The following TOGARAM2 variants were observed in gnomAD, a reference collection of about 807,000 sequenced individuals.
TOGARAM2 encodes TOG array regulator of axonemal microtubules protein 2.
TOGARAM2 carries 85 observed loss-of-function variants against 93.3 expected under a neutral mutation model. The ratio of observed to expected loss-of-function variants is 0.91; its 90% confidence interval spans 0.76 to 1.09. The LOEUF (loss-of-function observed/expected upper bound fraction) is 1.09, where lower values mean the gene tolerates loss of function less well. Ranked by LOEUF, TOGARAM2 falls within the 50% of genes least tolerant of loss-of-function variation. The pLI is 0.00. For missense variants in TOGARAM2, 1,277 were observed against 1,334.5 expected (o/e 0.96, Z 0.67); for synonymous variants, 593 against 552.8 (o/e 1.07, Z -1.02).
chr2:29,051,905 A>G lies in TOGARAM2; in HGVS notation c.2872A>G (p.Arg958Gly), dbSNP rs1276970164. 6.3e-7 allele frequency: 1 copy of G among 1,587,614 alleles called. No individual in the cohort carries two copies. The highest frequency in any genetic ancestry group is 2.3e-5 in the East Asian group (1 of 43,336). Residue 958 changes from arginine (R) to glycine (G), a missense_variant, in exon 20 of 20, where the codon AGG (arginine) becomes GGG (glycine). By Grantham distance (125) the Arg-to-Gly change is moderately radical. Transcript: ENST00000379558. ...CCGCGGGGTGGTGTGCCGGCTGTCCAGGAGCCTCCAGGAGCACATGGGCTC... is the reference window on the plus strand; with the variant it reads ...CCGCGGGGTGGTGTGCCGGCTGTCCGGGAGCCTCCAGGAGCACATGGGCTC... ...NIRGVVCRLS[R>G]SLQEHMGSRL...
At chr2:29,024,641 A>T (rs1486735641) in intron 13 of TOGARAM2, among the ~76,000 whole-genome samples, 1 of 152,142 alleles carries the variant, frequency 6.6e-6, no homozygotes, top group Non-Finnish European at 1.5e-5. Context: ...TGTGCCGGGC[A>T]TCCGGCTTCT....
At chr2:29,036,512 T>A in intron 17 of TOGARAM2, 29 bp from the exon 18 acceptor site, 1 of 1,612,260 alleles carries the variant, frequency 6.2e-7, no homozygotes, top group Non-Finnish European at 8.5e-7. Context: ...TGGGTTCCCA[T>A]GGGCTCTTGG....
Position 28,986,615 on chromosome 2 carries a change from C to T in TOGARAM2, c.-111+5077C>T, listed in dbSNP as rs541644360. Among the ~76,000 whole-genome samples the T allele has an allele frequency of 7.9e-5, 12 of 152,346 alleles. No individual in the cohort carries two copies. In the East Asian group the frequency reaches 2.3e-3, roughly 29 times the overall value. ...CCCGCCCCAGCCTGCCCACTGCTTC[C>T]TGCTCACCCTGGACAGCTCAGGAAA... is the stretch of plus-strand genomic sequence containing the variant. On this transcript the variant is annotated intron_variant, in intron 1 of 19. Transcript: ENST00000379558.
At chr2:28,990,991 G>GGTGTGTGTGTGT (rs70958233) in intron 1 of TOGARAM2, among the ~76,000 whole-genome samples, 25 of 119,858 alleles carry the variant, frequency 2.1e-4, no homozygotes, top group East Asian at 5.9e-4. Flanking sequence ...GTGTGTGAAG[G>GGTGTGTGTGTGT]GTGTGTGTGT....
intron 14 of TOGARAM2, among the ~76,000 whole-genome samples, chr2:29,027,299 A>C (rs550055973): frequency 4.3e-4 from 65 of 152,300 alleles, no homozygotes; most frequent in African/African-American, 1.6e-3. Context: ...CTCTGTAAGA[A>C]CATTCAGGCC....
Position 29,052,141 on chromosome 2 carries a change from G to A in TOGARAM2, c.*48G>A. Reference sequence around the variant, plus strand: ...TATTATTTATCTTATTTTTTTGATGGACTATTCTCCTGGTTACTTTCCCCC... The same window carrying A: ...TATTATTTATCTTATTTTTTTGATGAACTATTCTCCTGGTTACTTTCCCCC... On this transcript the variant is annotated 3_prime_UTR_variant, in exon 20 of 20. Coordinates refer to ENST00000379558, the MANE Select transcript of TOGARAM2 (RefSeq NM_199280.4). 7.0e-7 allele frequency: 1 copy of A among 1,425,724 alleles called. No individual in the cohort carries two copies. The highest frequency in any genetic ancestry group is 9.3e-7 in the Non-Finnish European group (1 of 1,069,652). The allele number at this position is 1,425,724 out of a possible 1,614,324, so 88.3% of individuals were successfully genotyped here.
At chr2:28,996,531 T>C (rs1672996121) in intron 2 of TOGARAM2, among the ~76,000 whole-genome samples, 1 of 152,050 alleles carries the variant, frequency 6.6e-6, no homozygotes, top group Admixed American at 6.6e-5. Flanking sequence ...CTTAAGATAA[T>C]GACTGCCAGG....
chr2:29,016,627 T>C (rs1482144404), intron 8 of TOGARAM2, among the ~76,000 whole-genome samples: 1 of 152,250 alleles, frequency 6.6e-6, no homozygotes, highest in East Asian at 1.9e-4. Context: ...AACGGCTTCC[T>C]GTGTCCTTCA....
intron 1 of TOGARAM2, among the ~76,000 whole-genome samples, chr2:28,986,854 C>T (rs966695756): frequency 5.3e-5 from 8 of 152,244 alleles, no homozygotes; most frequent in African/African-American, 1.9e-4. Flanking sequence ...AAATGTTTCT[C>T]ATATTTTGTG....
rs528459984 is a variant in TOGARAM2, at chr2:28,968,760, G to T, written c.-147+12063G>T. Among the ~76,000 whole-genome samples, 3 of 140,024 alleles carry T rather than the reference G, an allele frequency of 2.1e-5. No individual in the cohort carries two copies. In the South Asian group the frequency reaches 6.7e-4, roughly 31 times the overall value. The allele number at this position is 140,024 out of a possible 152,430, so 91.9% of individuals were successfully genotyped here. A position where few individuals can be genotyped will look rare whatever the true frequency, so the allele number is the denominator to read the frequency against. On this transcript the variant is annotated intron_variant, in intron 1 of 6. Transcript: ENST00000401723. ...CTGAGCCCAGCAGGTGGAGATTACAGTGATTGGAGATTGCATCACTGCACT... is the reference window on the plus strand; with the variant it reads ...CTGAGCCCAGCAGGTGGAGATTACATTGATTGGAGATTGCATCACTGCACT...
intron 1 of TOGARAM2, among the ~76,000 whole-genome samples, chr2:28,973,386 TCTTTCC>T (rs1459630775): frequency 3.7e-4 from 18 of 48,816 alleles, no homozygotes; most frequent in East Asian, 9.4e-3. Context: ...CTTCCTTCCT[TCTTTCC>T]TCCCTTCCTT....
intron 18 of TOGARAM2, among the ~76,000 whole-genome samples, chr2:29,044,252 C>T (rs1322580058): frequency 3.9e-5 from 6 of 152,096 alleles, no homozygotes; most frequent in Admixed American, 2.0e-4. Context: ...CCAAACCTCC[C>T]GAAAGGCATA....
intron 4 of TOGARAM2, among the ~76,000 whole-genome samples, chr2:29,000,157 T>C (rs1025940850): frequency 2.0e-5 from 3 of 152,222 alleles, no homozygotes; most frequent in Non-Finnish European, 2.9e-5. Context: ...AAAACCTGAA[T>C]CTTGCATGTA....
Position 29,022,273 on chromosome 2 carries a change from G to T in TOGARAM2, c.1476G>T (p.Leu492=). Residue 492 remains leucine, a synonymous_variant, in exon 11 of 20, where the codon CTG becomes CTT. Coordinates refer to ENST00000379558, the MANE Select transcript of TOGARAM2 (RefSeq NM_199280.4). ...CTTTCTCGAACCCGGAGCTGGGGCTGAGGGATGCACTCCAGTGCCTCAACA... is the reference window on the plus strand; with the variant it reads ...CTTTCTCGAACCCGGAGCTGGGGCTTAGGGATGCACTCCAGTGCCTCAACA... ...LRPFSNPELG[L]RDALQCLNSS... is the part of the protein sequence containing the mutation. 2.5e-6 allele frequency: 4 copies of T among 1,614,052 alleles called. No individual in the cohort carries two copies. Among genetic ancestry groups the T allele is most frequent in the Non-Finnish European group, 3.4e-6 (4 of 1,179,896 alleles).
intron 1 of TOGARAM2, among the ~76,000 whole-genome samples, chr2:28,970,272 T>C (rs1418604489): frequency 1.3e-5 from 2 of 152,190 alleles, no homozygotes; most frequent in Non-Finnish European, 2.9e-5. Flanking sequence ...GTCTTGAGAA[T>C]AGAGTAGAGC....
chr2:28,960,415 C>G (rs1042501927), intron 1 of TOGARAM2, among the ~76,000 whole-genome samples: 1 of 152,116 alleles, frequency 6.6e-6, no homozygotes, highest in African/African-American at 2.4e-5. Context: ...CTTGCTCACT[C>G]TGTCACCCAG....
intron 2 of TOGARAM2, among the ~76,000 whole-genome samples, chr2:28,995,169 T>A (rs1672930650): frequency 6.6e-6 from 1 of 152,106 alleles, no homozygotes; most frequent in Admixed American, 6.5e-5. Context: ...TGGTCAAGGT[T>A]ATGTGGATGG....
At chr2:29,010,460 C>T (rs1430782702) in intron 6 of TOGARAM2, among the ~76,000 whole-genome samples, 1 of 152,258 alleles carries the variant, frequency 6.6e-6, no homozygotes, top group Non-Finnish European at 1.5e-5. Context: ...CTCCGCTCCT[C>T]CTGTGGACTC....
At chr2:29,006,082 T>TGC (rs1291338217) in intron 6 of TOGARAM2, among the ~76,000 whole-genome samples, 1 of 86,706 alleles carries the variant, frequency 1.2e-5, no homozygotes, top group Non-Finnish European at 2.4e-5. Flanking sequence ...TGAGAGCACG[T>TGC]GTGTGTGTGT....
Sources: gnomAD v4.1 joint callset for allele counts (sites outside exome capture counted in the v4.1 genomes callset) on GRCh38, gnomAD v4.1.1 for gene constraint, MANE v1.5 for transcripts, NCBI Gene and HGNC (gene_info 2026-07-23, HGNC 2026-07-21) for gene names.